LAMA3: variants seen among roughly 807,000 people sequenced by gnomAD.
LAMA3 encodes the protein laminin subunit alpha 3, also known as laminin subunit alpha-3.
Under a neutral mutation model 402.0 loss-of-function variants are expected in LAMA3, and 281 were observed. The ratio of observed to expected loss-of-function variants is 0.70; its 90% CI spans 0.63 to 0.77. LAMA3 has a LOEUF of 0.77. Ranked by LOEUF, LAMA3 falls within the 30% of genes least tolerant of loss-of-function variation. LAMA3 has a pLI of 0.00. For missense variants in LAMA3, 3,840 were observed against 4,215.5 expected, an observed-to-expected ratio of 0.91 and a Z score of 2.47; for synonymous variants, 1,431 against 1,558.4, an observed-to-expected ratio of 0.92 and a Z score of 1.93.
At chr18:23,884,186 A>G (rs886664605) in intron 40 of LAMA3, among the ~76,000 whole-genome samples, 1 of 152,072 alleles carries the variant, frequency 6.6e-6, no homozygotes, top group Non-Finnish European at 1.5e-5. Context: ...TTTAGAGCTA[A>G]AAGAAAAGGG....
intron 32 of LAMA3, among the ~76,000 whole-genome samples, chr18:23,856,237 G>A (rs2064076673): frequency 6.6e-6 from 1 of 152,152 alleles, no homozygotes; most frequent in Non-Finnish European, 1.5e-5. Context: ...ATTTGCCAAA[G>A]GGAAATAAGC....
intron 5 of LAMA3, among the ~76,000 whole-genome samples, chr18:23,753,133 C>A (rs1389853948): frequency 6.6e-6 from 1 of 152,240 alleles, no homozygotes; most frequent in Non-Finnish European, 1.5e-5. Context: ...TGGATCTGAG[C>A]TGGCTCTGTC....
At chr18:23,741,132 A>AT (rs1015548374) in intron 2 of LAMA3, among the ~76,000 whole-genome samples, 15 of 150,524 alleles carry the variant, frequency 1.0e-4, no homozygotes, top group East Asian at 2.0e-4. Context: ...TTTTTTTTGT[A>AT]TTTTTTTTAG....
intron 47 of LAMA3, 122 bp downstream of exon 47, chr18:23,899,577 C>T: frequency 1.0e-6 from 1 of 1,000,878 alleles, no homozygotes; most frequent in South Asian, 1.4e-5. Context: ...GCGAATATTA[C>T]TGTTAGAGCA....
At chr18:23,800,039 T>C (rs2062839919) in intron 12 of LAMA3, among the ~76,000 whole-genome samples, 2 of 152,202 alleles carry the variant, frequency 1.3e-5, no homozygotes, top group Non-Finnish European at 1.5e-5. Context: ...ACCTTCACAG[T>C]GACATTTAGG....
chr18:23,704,006 G>A (rs958439126), intron 1 of LAMA3, among the ~76,000 whole-genome samples: 2 of 152,228 alleles, frequency 1.3e-5, no homozygotes, highest in African/African-American at 2.4e-5. Context: ...CAGGCCTCCA[G>A]CTGGCTTGGG....
rs575427048 is a variant in LAMA3, at chr18:23,834,946, G to A, written c.2984+958G>A. The A allele has an allele frequency of 1.3e-4, 20 of 152,330 alleles. No individual in the cohort carries two copies. In the East Asian group the frequency reaches 3.7e-3, roughly 28 times the overall value. The allele number at this position is 152,330 out of a possible 1,614,324, so 9.4% of individuals were successfully genotyped here. A position where few individuals can be genotyped will look rare whatever the true frequency, so the allele number is the denominator to read the frequency against. ...CCTCAGTAACGCTAAACAAGCAGCT[G>A]CGAAGTCTTTGTCTTTGAATGATGA... is the stretch of plus-strand genomic sequence containing the variant. On this transcript the variant is annotated intron_variant, in intron 24 of 74. Coordinates refer to ENST00000313654, the MANE Select transcript of LAMA3 (RefSeq NM_198129.4).
At chr18:23,781,854 A>C (rs565777578) in intron 11 of LAMA3, among the ~76,000 whole-genome samples, 13 of 152,218 alleles carry the variant, frequency 8.5e-5, no homozygotes, top group Non-Finnish European at 1.6e-4. Context: ...CCTTTGCTGG[A>C]AACAGTCAGT....
Position 23,756,789 on chromosome 18 carries a change from C to T in LAMA3, c.948-1607C>T, listed in dbSNP as rs769164945. 2.3e-3 allele frequency among the ~76,000 whole-genome samples: 352 copies of T among 152,268 alleles called. 1 individual carries two copies. Among genetic ancestry groups the T allele is most frequent in the Non-Finnish European group, 3.6e-3 (242 of 67,996 alleles). On this transcript the variant is annotated intron_variant, in intron 6 of 74. Coordinates refer to ENST00000313654, the MANE Select transcript of LAMA3 (RefSeq NM_198129.4). ...CACCTGAGCCACGGCATCCCAGGCT[C>T]GGGAGTGCCAAGACTCAGGGAGCCC...
rs1231716161 is a variant in LAMA3, at chr18:23,873,151, CA to C, written c.4998+1491del. The C allele has an allele frequency of 3.1e-6, 5 of 1,614,064 alleles. No homozygotes were observed. The highest frequency in any genetic ancestry group is 3.4e-6 in the Non-Finnish European group (4 of 1,180,046). ...TACAGTTCACAGCAGCAAAGGGTGC[CA>C]TTTCTTCAGCCTCCCGGTCAAAGTC... On this transcript the variant is annotated intron_variant, in intron 38 of 74. Coordinates refer to ENST00000313654, the MANE Select transcript of LAMA3 (RefSeq NM_198129.4).
Position 23,918,664 on chromosome 18 carries a change from T to C in LAMA3, c.7923+1969T>C, listed in dbSNP as rs924641982. Among the ~76,000 whole-genome samples, 2 of 152,220 alleles carry C rather than the reference T, an allele frequency of 1.3e-5. No individual in the cohort carries two copies. Among genetic ancestry groups the C allele is most frequent in the Non-Finnish European group, 2.9e-5 (2 of 68,034 alleles). On this transcript the variant is annotated intron_variant, in intron 60 of 74. Coordinates refer to ENST00000313654, the MANE Select transcript of LAMA3 (RefSeq NM_198129.4). This position sits in a 1 kb window ranked among gnomAD's most constrained non-coding sequence, Gnocchi z 4.1. ...GGAGAGTTGGCGTGATGTTTGCTGC[T>C]TTATACCTATAGCCGGCCTGGAGTT...
Position 23,903,080 on chromosome 18 carries a change from G to T in LAMA3, c.6273G>T (p.Leu2091Phe). ...TKYLTTADSS[L>F]LQTNIALQLM... ...ATCTAACCACTGCAGACTCATCTTT[G>T]TTGCAAACCAACATTGCGCTGCAGC... Residue 2091 changes from leucine (L) to phenylalanine (F), a missense_variant, in exon 49 of 75, where the codon TTG (leucine) becomes TTT (phenylalanine). Physicochemically the swap from Leu to Phe is conservative, Grantham distance 22. This residue lies in a region of LAMA3 where 891 missense variants were observed against 857.5 expected (regional missense o/e 1.04). Transcript: ENST00000313654. The T allele has an allele frequency of 6.2e-7, 1 of 1,613,228 alleles. No homozygotes were observed. Among genetic ancestry groups the T allele is most frequent in the Non-Finnish European group, 8.5e-7 (1 of 1,179,348 alleles).
chr18:23,827,794 A>G (rs1355204707), intron 23 of LAMA3, among the ~76,000 whole-genome samples: 1 of 152,176 alleles, frequency 6.6e-6, no homozygotes, highest in Non-Finnish European at 1.5e-5. Flanking sequence ...TAAAAGACAG[A>G]TGAGACTCAA....
intron 2 of LAMA3, among the ~76,000 whole-genome samples, chr18:23,740,818 G>T (rs1414278760): frequency 6.6e-6 from 1 of 152,166 alleles, no homozygotes; most frequent in Non-Finnish European, 1.5e-5. Context: ...TAGTGTGGGA[G>T]GGGACTTAGG....
chr18:23,779,274 T>G (rs1207720087), intron 11 of LAMA3, among the ~76,000 whole-genome samples: 1 of 139,406 alleles, frequency 7.2e-6, no homozygotes, highest in Non-Finnish European at 1.5e-5. Context: ...TGAAAGAAAA[T>G]CTCAGGAGAA....
chr18:23,807,474 G>C (rs1178885820), intron 12 of LAMA3, among the ~76,000 whole-genome samples: 1 of 151,718 alleles, frequency 6.6e-6, no homozygotes, highest in African/African-American at 2.4e-5. Flanking sequence ...GTGTGTGTGT[G>C]TGTATGTGTG....
At chr18:23,803,895 A>G (rs1410678885) in intron 12 of LAMA3, among the ~76,000 whole-genome samples, 1 of 152,226 alleles carries the variant, frequency 6.6e-6, no homozygotes, top group Non-Finnish European at 1.5e-5. Flanking sequence ...TGTGGAATGT[A>G]GCAGGAGTGT....
In LAMA3 at chr18:23,822,131, G is replaced by T. The variant is rs139337157; in HGVS notation, c.2305-121G>T. 109 of 1,011,162 alleles carry T rather than the reference G, an allele frequency of 1.1e-4. No homozygotes were observed. The African/African-American group carries it at 1.3e-3, about 12-fold the overall frequency. The allele number at this position is 1,011,162 out of a possible 1,614,324, so 62.6% of individuals were successfully genotyped here. ...GTTGACTGAGTGTGAGTGTGTATGT[G>T]TGTGTATGTGTGTACATTACAAGTC... On this transcript the variant is annotated intron_variant, in intron 19 of 74. Coordinates refer to ENST00000313654, the MANE Select transcript of LAMA3 (RefSeq NM_198129.4).
At position 23,943,973 on chromosome 18, in the gene LAMA3, T is replaced by G. The variant is rs940016371; in HGVS notation, c.9210+2T>G. On this transcript the variant is annotated splice_donor_variant, in intron 69 of 74. Transcript: ENST00000313654. LOFTEE classifies it high-confidence loss of function. ...TGCAATGATGGGAAATGGCACACGG[T>G]AAGAGCTGGGGCTGTGTCAGTATCT... The G allele has an allele frequency of 6.8e-6, 11 of 1,613,632 alleles. No individual in the cohort carries two copies. Among genetic ancestry groups the G allele is most frequent in the Non-Finnish European group, 9.3e-6 (11 of 1,179,720 alleles).
Sources: allele counts gnomAD v4.1 joint callset (sites outside exome capture counted in the v4.1 genomes callset), GRCh38; gene constraint gnomAD v4.1.1; regional missense constraint gnomAD v4.1.1; non-coding constraint Gnocchi (gnomAD v3.1); transcripts MANE v1.5; gene names NCBI Gene and HGNC (gene_info 2026-07-23, HGNC 2026-07-21).